The following HMGA2 variants were observed in gnomAD, a reference collection of about 807,000 sequenced individuals.
The protein encoded by HMGA2 is high mobility group AT-hook 2.
A neutral mutation model predicts 19.1 loss-of-function variants in HMGA2; 8 were observed. The observed-to-expected ratio is 0.42, with a 90% CI of 0.25 to 0.76. The LOEUF (loss-of-function observed/expected upper bound fraction) is 0.76, where lower values mean the gene tolerates loss of function less well. Among genes scored for constraint, HMGA2 ranks in the 30% least tolerant of loss-of-function variants. HMGA2 has a pLI of 0.28. For synonymous variants in HMGA2, 60 were observed against 48.8 expected (o/e 1.23, Z -0.96); for missense variants, 109 against 136.3 (o/e 0.80, Z 1.00).
chr12:65,962,875 G>A (rs889182303), intron 4 of HMGA2, among the ~76,000 whole-genome samples: 2 of 152,144 alleles, frequency 1.3e-5, no homozygotes, highest in Non-Finnish European at 2.9e-5. Flanking sequence ...CTTGTGTGCC[G>A]GTTTTTAAAA....
chr12:65,963,360 G>A lies in HMGA2; in HGVS notation c.*68G>A. 9.2e-7 allele frequency: 1 copy of A among 1,092,626 alleles called. No individual in the cohort carries two copies. 67.7% of individuals were successfully genotyped at this position (1,092,626 alleles called of 1,614,324 possible). ...TTTTGAAGGGAGAAGACACTGCAGT[G>A]ACCACTTATTCTGTATTGCCATGGT... On this transcript the variant is annotated 3_prime_UTR_variant, in exon 5 of 5. Coordinates refer to ENST00000403681, the MANE Select transcript of HMGA2 (RefSeq NM_003483.6).
At chr12:65,926,653 G>A (rs73121719) in intron 3 of HMGA2, among the ~76,000 whole-genome samples, 85 of 152,180 alleles carry the variant, frequency 5.6e-4, no homozygotes, top group Admixed American at 1.2e-3. Context: ...ATTTTCTTTC[G>A]CCCTTTAAAC....
chr12:65,861,364 TCAAAACAAAACAAAA>T (rs149375057), intron 3 of HMGA2, among the ~76,000 whole-genome samples: 1 of 151,960 alleles, frequency 6.6e-6, no homozygotes. Context: ...AGACTCCGTC[TCAAAACAAAACAAAA>T]CAAAACAAAA....
chr12:65,944,478 C>T (rs966256264), intron 3 of HMGA2, among the ~76,000 whole-genome samples: 5 of 152,144 alleles, frequency 3.3e-5, no homozygotes, highest in Non-Finnish European at 5.9e-5. Context: ...AGGCCAATCC[C>T]TCTTTTCACC....
chr12:65,855,963 AT>A (rs1484025295), intron 3 of HMGA2: 1 of 149,336 alleles, frequency 6.7e-6, no homozygotes, highest in African/African-American at 2.5e-5. Flanking sequence ...GATATTCTTT[AT>A]TTTTGGTGGT....
chr12:65,851,926 G>A (rs773807154), intron 3 of HMGA2, among the ~76,000 whole-genome samples: 3 of 152,128 alleles, frequency 2.0e-5, no homozygotes, highest in Non-Finnish European at 2.9e-5. Context: ...GAACCTGCTT[G>A]CTCTTATGTA....
chr12:65,951,257 A>G (rs1876449110), intron 3 of HMGA2, 126 bp from the exon 4 acceptor site: 1 of 639,294 alleles, frequency 1.6e-6, no homozygotes, highest in African/African-American at 1.9e-5. Context: ...CATTGGATAT[A>G]CCAGTTGAAC....
chr12:65,904,492 T>C (rs1365538170), intron 3 of HMGA2, among the ~76,000 whole-genome samples: 1 of 152,222 alleles, frequency 6.6e-6, no homozygotes, highest in East Asian at 1.9e-4. Context: ...GTTCTTTAAC[T>C]GATTTTTTTG....
chr12:65,861,838 A>G lies in HMGA2; in HGVS notation c.249+23269A>G, dbSNP rs531086960. ...TGAAAAAAAAATCCGTTTTTGTGCA[A>G]CATGTTTCTTTTTTTTTTTTTTTGG... On this transcript the variant is annotated intron_variant, in intron 3 of 4. Coordinates refer to ENST00000403681, the MANE Select transcript of HMGA2 (RefSeq NM_003483.6). Among the ~76,000 whole-genome samples the G allele has an allele frequency of 1.8e-4, 28 of 151,528 alleles. 1 individual carries two copies. The highest frequency in any genetic ancestry group is 6.5e-4 in the African/African-American group (27 of 41,384).
At chr12:65,924,355 T>C (rs1036860623) in intron 3 of HMGA2, among the ~76,000 whole-genome samples, 4 of 152,214 alleles carry the variant, frequency 2.6e-5, no homozygotes, top group African/African-American at 7.2e-5. Context: ...AAAATGAATA[T>C]GGAAGAGGGA....
chr12:65,899,039 G>A (rs1204365599), intron 3 of HMGA2, among the ~76,000 whole-genome samples: 21 of 91,876 alleles, frequency 2.3e-4, no homozygotes, highest in Middle Eastern at 0.012. Flanking sequence ...GCGAGACTCC[G>A]TCTCAAAAAA....
chr12:65,920,711 C>A (rs973356670), intron 3 of HMGA2, among the ~76,000 whole-genome samples: 1 of 152,162 alleles, frequency 6.6e-6, no homozygotes, highest in Non-Finnish European at 1.5e-5. Flanking sequence ...GTTCGCCTCC[C>A]GCTATGATTC....
intron 3 of HMGA2, among the ~76,000 whole-genome samples, chr12:65,937,188 A>C (rs1268081279): frequency 6.6e-6 from 1 of 152,198 alleles, no homozygotes; most frequent in Non-Finnish European, 1.5e-5. Flanking sequence ...AGATACCTGC[A>C]CATCTGGCAA....
At chr12:65,876,704 A>G (rs922293991) in intron 3 of HMGA2, among the ~76,000 whole-genome samples, 3 of 152,240 alleles carry the variant, frequency 2.0e-5, no homozygotes, top group African/African-American at 7.2e-5. Context: ...CTAAGAACAA[A>G]TACTTTCACC....
chr12:65,885,185 A>G (rs1005867449), intron 3 of HMGA2, among the ~76,000 whole-genome samples: 15 of 152,254 alleles, frequency 9.9e-5, no homozygotes, highest in Admixed American at 7.9e-4. Context: ...ATAACAGATG[A>G]AATTACAGTC....
chr12:65,898,184 C>G (rs1181264477), intron 3 of HMGA2, among the ~76,000 whole-genome samples: 1 of 152,120 alleles, frequency 6.6e-6, no homozygotes, highest in Non-Finnish European at 1.5e-5. Context: ...TTAACAGCCC[C>G]CAAATCCCTA....
At chr12:65,929,141 T>A (rs1875619045) in intron 3 of HMGA2, among the ~76,000 whole-genome samples, 1 of 152,188 alleles carries the variant, frequency 6.6e-6, no homozygotes, top group East Asian at 1.9e-4. Flanking sequence ...CATTTCTCTG[T>A]TCTCAAAACT....
At chr12:65,847,592 C>T (rs2583929) in intron 3 of HMGA2, among the ~76,000 whole-genome samples, 10,930 of 152,250 alleles carry the variant, frequency 0.072, 448 homozygotes, top group South Asian at 0.14. Context: ...AGAGCTCAGA[C>T]TGCCTGGGTT....
chr12:65,947,357 C>T (rs1029815993), intron 3 of HMGA2, among the ~76,000 whole-genome samples: 1 of 152,160 alleles, frequency 6.6e-6, no homozygotes, highest in African/African-American at 2.4e-5. Context: ...TCAAACAATC[C>T]TCTCAAAGTG....
Sources: allele counts gnomAD v4.1 joint callset (sites outside exome capture counted in the v4.1 genomes callset), GRCh38; gene constraint gnomAD v4.1.1; transcripts MANE v1.5; gene names NCBI Gene and HGNC (gene_info 2026-07-23, HGNC 2026-07-21).